Variants in CDC34 observed in about 807,000 individuals in gnomAD.
CDC34 encodes ubiquitin-conjugating enzyme E2 R1.
A neutral mutation model predicts 26.8 loss-of-function variants in CDC34; 18 were observed. That is an observed-to-expected ratio of 0.67 (90% CI 0.47 to 1.00). The LOEUF (loss-of-function observed/expected upper bound fraction) is 1.00. Ranked by LOEUF, CDC34 falls within the 50% of genes least tolerant of loss-of-function variation. CDC34 has a pLI of 0.00. For synonymous variants in CDC34, 178 were observed against 147.5 expected, an observed-to-expected ratio of 1.21 and a Z score of -1.50; for missense variants, 280 against 334.5, an observed-to-expected ratio of 0.84 and a Z score of 1.27.
At chr19:538,304 A>G (rs1979856195) in intron 4 of CDC34, among the ~76,000 whole-genome samples, 1 of 152,154 alleles carries the variant, frequency 6.6e-6, no homozygotes, top group Non-Finnish European at 1.5e-5. Flanking sequence ...CGCCTTCTGT[A>G]CCTGCAGTCC....
Position 536,997 on chromosome 19 carries a change from C to T in CDC34, c.363-16C>T. On this transcript the variant is annotated splice_polypyrimidine_tract_variant and intron_variant, in intron 3 of 4. Coordinates refer to ENST00000215574, the MANE Select transcript of CDC34 (RefSeq NM_004359.2). ...GGTGCCCCGGGCCGCCCCACTCCGA[C>T]CCACTCTCCCCACAGGACCATTCTC... The T allele has an allele frequency of 1.2e-6, 2 of 1,613,350 alleles. No homozygotes were observed. The highest frequency in any genetic ancestry group is 1.7e-6 in the Non-Finnish European group (2 of 1,179,894).
intron 1 of CDC34, among the ~76,000 whole-genome samples, chr19:535,043 G>A (rs971065860): frequency 3.3e-5 from 5 of 152,216 alleles, no homozygotes; most frequent in African/African-American, 4.8e-5. Context: ...AAACAGTGAG[G>A]CTTCCTTGTT....
At chr19:536,612 C>T (rs1348538743) in intron 3 of CDC34, 1 of 559,310 alleles carries the variant, frequency 1.8e-6, no homozygotes, top group African/African-American at 1.9e-5. Context: ...GTCCCGCCAT[C>T]CTCAGTCCTG....
rs1327597679 is a variant in CDC34 at position 531,773 on chromosome 19, C to T, written c.-159C>T. 4.1e-5 allele frequency: 8 copies of T among 194,960 alleles called. No individual in the cohort carries two copies. Among genetic ancestry groups the T allele is most frequent in the Admixed American group, 6.5e-5 (1 of 15,390 alleles). The allele number at this position is 194,960 out of a possible 1,614,324, so 12.1% of individuals were successfully genotyped here. Reference sequence around the variant, plus strand: ...GGCGGCGGCGCCAGAGCTGCTGGAGCGCTCGGGGTCCCCGGGCGGCGGCGG... The same window carrying T: ...GGCGGCGGCGCCAGAGCTGCTGGAGTGCTCGGGGTCCCCGGGCGGCGGCGG... On this transcript the variant is annotated 5_prime_UTR_variant, in exon 1 of 5. Transcript: ENST00000215574.
At chr19:532,525 C>T (rs2145844384) in intron 1 of CDC34, among the ~76,000 whole-genome samples, 1 of 152,322 alleles carries the variant, frequency 6.6e-6, no homozygotes, top group Non-Finnish European at 1.5e-5. Flanking sequence ...CCGCGCCGGC[C>T]TTTCAGCTGC....
intron 4 of CDC34, among the ~76,000 whole-genome samples, chr19:537,996 G>C (rs958009895): frequency 6.6e-6 from 1 of 152,162 alleles, no homozygotes; most frequent in Non-Finnish European, 1.5e-5. Flanking sequence ...AGGCTTTTCA[G>C]TTTAACGCAT....
At chr19:532,298 C>T (rs1251081113) in intron 1 of CDC34, among the ~76,000 whole-genome samples, 190 bp downstream of exon 1, 1 of 152,240 alleles carries the variant, frequency 6.6e-6, no homozygotes, top group African/African-American at 2.4e-5. Flanking sequence ...CGGACCGTCT[C>T]GGGGACCTTC....
At position 535,929 on chromosome 19, in the gene CDC34, C is replaced by T. The variant is rs781637355; in HGVS notation, c.264+6C>T. 14 of 1,612,226 alleles carry T rather than the reference C, an allele frequency of 8.7e-6. No homozygotes were observed. The highest frequency in any genetic ancestry group is 4.4e-5 in the South Asian group (4 of 91,074). On this transcript the variant is annotated splice_donor_region_variant and intron_variant, in intron 2 of 4. Transcript: ENST00000215574. ...GGCACCCTAACATCTACGAGGTGAG[C>T]GCGGCCCCCACGGGCCTCAAGTCCT...
rs1052252349 is a variant in CDC34 at position 532,115 on chromosome 19, G to A, written c.177+7G>A. On this transcript the variant is annotated splice_region_variant and intron_variant, in intron 1 of 4. Coordinates refer to ENST00000215574, the MANE Select transcript of CDC34 (RefSeq NM_004359.2). Reference sequence around the variant, plus strand: ...CGAGGGCGGCTACTTCAAGGTGAGCGCGGCGACCCCCGCCCGGGTCCCGGA... The same window carrying A: ...CGAGGGCGGCTACTTCAAGGTGAGCACGGCGACCCCCGCCCGGGTCCCGGA... 4 of 1,494,410 alleles carry A rather than the reference G, an allele frequency of 2.7e-6. No individual in the cohort carries two copies. The highest frequency in any genetic ancestry group is 5.6e-5 in the Admixed American group (2 of 35,964). 92.6% of individuals were successfully genotyped at this position (1,494,410 alleles called of 1,614,324 possible).
chr19:536,407 C>T (rs2145848750), intron 3 of CDC34, 67 bp downstream of exon 3: 3 of 1,239,354 alleles, frequency 2.4e-6, no homozygotes, highest in Non-Finnish European at 3.4e-6. Flanking sequence ...CCCGTATCCA[C>T]CCAGACCATC....
At chr19:537,651 CTTTTTTTTTT>C (rs773623358) in intron 4 of CDC34, among the ~76,000 whole-genome samples, 4 of 67,088 alleles carry the variant, frequency 6.0e-5, no homozygotes, top group South Asian at 6.1e-4. Flanking sequence ...CGCGGCCGGC[CTTTTTTTTTT>C]TTTTTTTTTT....
At chr19:536,551 A>G in intron 3 of CDC34, 1 of 582,488 alleles carries the variant, frequency 1.7e-6, no homozygotes, top group East Asian at 2.8e-5. Context: ...GTCGGTGCAG[A>G]CTCCCACCAG....
At chr19:536,180 C>T (rs1056921417) in intron 2 of CDC34, 63 bp from the exon 3 acceptor site, 12 of 1,337,994 alleles carry the variant, frequency 9.0e-6, no homozygotes, top group Non-Finnish European at 1.0e-5. Context: ...TCCTCCGGGA[C>T]CTGGGGCACT....
intron 3 of CDC34, 91 bp downstream of exon 3, chr19:536,431 TC>T (rs1448550239): frequency 3.9e-6 from 4 of 1,037,204 alleles, no homozygotes; most frequent in African/African-American, 3.2e-5. Context: ...TAGGCCGGGC[TC>T]CCCCACAGGC....
chr19:539,354 C>A (rs556983533), intron 4 of CDC34, among the ~76,000 whole-genome samples: 8 of 151,650 alleles, frequency 5.3e-5, no homozygotes, highest in Non-Finnish European at 8.9e-5. Context: ...GTCACCCCCC[C>A]AGCCCGTCCA....
chr19:535,992 C>T lies in CDC34; in HGVS notation c.264+69C>T, dbSNP rs1443528942. ...CCCAGGGTGCTGGGAGCCTCACGTC[C>T]TCATCCTTCCGGGACCCGGGGCGCT... On this transcript the variant is annotated intron_variant, in intron 2 of 4. Coordinates refer to ENST00000215574, the MANE Select transcript of CDC34 (RefSeq NM_004359.2). 4.1e-6 allele frequency: 6 copies of T among 1,452,454 alleles called. No individual in the cohort carries two copies. The Admixed American group carries it at 8.4e-5, about 20-fold the overall frequency. 90.0% of individuals were successfully genotyped at this position (1,452,454 alleles called of 1,614,324 possible).
At chr19:536,903 A>G in intron 3 of CDC34, 110 bp from the exon 4 acceptor site, 2 of 1,271,002 alleles carry the variant, frequency 1.6e-6, no homozygotes, top group Non-Finnish European at 2.2e-6. Context: ...AGGCCAGGTG[A>G]AGGTCACCTG....
chr19:536,315 A>G lies in CDC34; in HGVS notation c.337A>G (p.Arg113Gly). 2 of 1,612,416 alleles carry G rather than the reference A, an allele frequency of 1.2e-6. No homozygotes were observed. Among genetic ancestry groups the G allele is most frequent in the Non-Finnish European group, 1.7e-6 (2 of 1,179,682 alleles). The change falls in exon 3 of 5, where the codon AGG (arginine) becomes GGG (glycine). Residue 113 changes from arginine (R) to glycine (G), a missense_variant. By Grantham distance (125) the Arg-to-Gly change is moderately radical. Transcript: ENST00000215574. ...CCAGAGCGGGGAGCTGCCCTCAGAGAGGTGGAACCCCACGCAGAACGTCAG... is the reference window on the plus strand; with the variant it reads ...CCAGAGCGGGGAGCTGCCCTCAGAGGGGTGGAACCCCACGCAGAACGTCAG... ...DPQSGELPSE[R>G]WNPTQNVRTI...
intron 1 of CDC34, among the ~76,000 whole-genome samples, chr19:535,119 G>A (rs1191537745): frequency 6.6e-6 from 1 of 152,218 alleles, no homozygotes; most frequent in Admixed American, 6.5e-5. Flanking sequence ...AGACAGCTCT[G>A]TCACCTGGCA....
Sources: gnomAD v4.1 joint callset for allele counts (sites outside exome capture counted in the v4.1 genomes callset) on GRCh38, gnomAD v4.1.1 for gene constraint, MANE v1.5 for transcripts, NCBI Gene and HGNC (gene_info 2026-07-23, HGNC 2026-07-21) for gene names.